RNF220: variants seen among roughly 807,000 people sequenced by gnomAD.
RNF220 encodes the protein E3 ubiquitin-protein ligase RNF220.
A neutral mutation model predicts 67.1 loss-of-function variants in RNF220; 7 were observed. The ratio of observed to expected loss-of-function variants is 0.10; its 90% CI spans 0.06 to 0.20. The LOEUF is 0.20. Ranked by LOEUF, RNF220 falls within the 10% of genes least tolerant of loss-of-function variation. The pLI is 1.00. For synonymous variants in RNF220, 270 were observed against 283.2 expected (o/e 0.95, Z 0.47); for missense variants, 565 against 740.3 (o/e 0.76, Z 2.75).
intron 2 of RNF220, among the ~76,000 whole-genome samples, chr1:44,578,539 G>A (rs920416608): frequency 1.3e-5 from 2 of 152,118 alleles, no homozygotes; most frequent in Non-Finnish European, 2.9e-5. Flanking sequence ...GAAAGAAGTC[G>A]GCAAGTGCTA....
intron 2 of RNF220, among the ~76,000 whole-genome samples, chr1:44,591,303 G>T (rs1490899586): frequency 1.3e-5 from 2 of 152,214 alleles, no homozygotes; most frequent in African/African-American, 4.8e-5. Context: ...AATTCAGTGG[G>T]ACCAAGACAA....
intron 3 of RNF220, among the ~76,000 whole-genome samples, chr1:44,620,814 G>T (rs1643758743): frequency 6.6e-6 from 1 of 152,030 alleles, no homozygotes; most frequent in South Asian, 2.1e-4. Context: ...GTGCATCTGG[G>T]TGTGTGTTGG....
chr1:44,411,918 T>TC, intron 1 of RNF220, 63 bp from the exon 2 acceptor site: 1 of 646,386 alleles, frequency 1.5e-6, no homozygotes, highest in Non-Finnish European at 2.6e-6. Flanking sequence ...ACTTGGGGTT[T>TC]CCCTTTTTTT....
chr1:44,465,128 C>T (rs766484526), intron 2 of RNF220, among the ~76,000 whole-genome samples: 3 of 152,038 alleles, frequency 2.0e-5, no homozygotes, highest in Non-Finnish European at 4.4e-5. Flanking sequence ...TTCAAGTCTG[C>T]GTGACCTGAA....
chr1:44,462,418 C>T (rs777383496), intron 2 of RNF220, among the ~76,000 whole-genome samples: 2 of 151,794 alleles, frequency 1.3e-5, no homozygotes, highest in Admixed American at 6.6e-5. Flanking sequence ...ACCAGGACAC[C>T]AATAATAAGC....
chr1:44,448,100 A>C (rs1227507792), intron 2 of RNF220, among the ~76,000 whole-genome samples: 5 of 152,138 alleles, frequency 3.3e-5, no homozygotes, highest in Non-Finnish European at 7.4e-5. Context: ...GGAGTTTGAG[A>C]CCAGCCTGGC....
chr1:44,547,176 G>C (rs1572844245), intron 2 of RNF220, among the ~76,000 whole-genome samples: 1 of 152,310 alleles, frequency 6.6e-6, no homozygotes, highest in East Asian at 1.9e-4. Flanking sequence ...GTCTCCTTGT[G>C]TGTGTCACAA....
At chr1:44,593,066 A>C (rs1372376299) in intron 2 of RNF220, among the ~76,000 whole-genome samples, 3 of 152,226 alleles carry the variant, frequency 2.0e-5, no homozygotes. Context: ...ACAGAAGCCC[A>C]GCAGGCAGAC....
intron 2 of RNF220, among the ~76,000 whole-genome samples, chr1:44,608,177 G>A (rs760435737): frequency 3.1e-5 from 4 of 129,906 alleles, no homozygotes; most frequent in African/African-American, 7.9e-5. Flanking sequence ...CTCCCACCTC[G>A]GCCTCTCGAA....
At chr1:44,537,167 G>A (rs1465451064) in intron 2 of RNF220, among the ~76,000 whole-genome samples, 1 of 151,880 alleles carries the variant, frequency 6.6e-6, no homozygotes, top group Non-Finnish European at 1.5e-5. Context: ...TCTACCCCCT[G>A]CATACACACA....
intron 2 of RNF220, among the ~76,000 whole-genome samples, chr1:44,528,331 C>T (rs1290494000): frequency 6.6e-6 from 1 of 150,746 alleles, no homozygotes; most frequent in African/African-American, 2.4e-5. Context: ...GACGGAGTCT[C>T]ACTCTGTCAC....
At chr1:44,646,468 C>T (rs985344810) in intron 12 of RNF220, among the ~76,000 whole-genome samples, 10 of 152,230 alleles carry the variant, frequency 6.6e-5, no homozygotes, top group East Asian at 1.9e-4. Flanking sequence ...AGCGCCGGAG[C>T]GGGCCGTATG....
intron 2 of RNF220, among the ~76,000 whole-genome samples, chr1:44,492,642 C>A (rs1463556427): frequency 6.6e-6 from 1 of 152,090 alleles, no homozygotes; most frequent in East Asian, 1.9e-4. Flanking sequence ...ATACATCATG[C>A]TAATTATAAG....
Position 44,596,458 on chromosome 1 carries a change from A to G in RNF220, c.626-17707A>G, listed in dbSNP as rs560975818. Among the ~76,000 whole-genome samples, 26 of 148,924 alleles carry G rather than the reference A, an allele frequency of 1.7e-4. No homozygotes were observed. The East Asian group carries it at 4.7e-3, about 27-fold the overall frequency. The stretch of plus-strand genomic sequence containing the variant: ...GTACCTGTAATCCCAGCTACTCGGG[A>G]GGCTGAGGCAGGAGAATCACTTGAA... On this transcript the variant is annotated intron_variant, in intron 2 of 14. Coordinates refer to ENST00000361799, the MANE Select transcript of RNF220 (RefSeq NM_018150.4).
At chr1:44,526,033 G>A (rs1044998308) in intron 2 of RNF220, among the ~76,000 whole-genome samples, 5 of 151,926 alleles carry the variant, frequency 3.3e-5, no homozygotes, top group Non-Finnish European at 5.9e-5. Context: ...TTTCCTGCCC[G>A]ACCTTGACCC....
chr1:44,450,616 A>C (rs1158727934), intron 2 of RNF220, among the ~76,000 whole-genome samples: 1 of 152,150 alleles, frequency 6.6e-6, no homozygotes, highest in African/African-American at 2.4e-5. Flanking sequence ...GTGTGTTTTC[A>C]ATTTTTCCAT....
intron 2 of RNF220, among the ~76,000 whole-genome samples, chr1:44,418,301 G>T (rs74526926): frequency 0.056 from 8,578 of 152,242 alleles, 288 homozygotes; most frequent in Non-Finnish European, 0.06. Flanking sequence ...GAGGAGGGAG[G>T]TTGGACGTGT....
intron 2 of RNF220, among the ~76,000 whole-genome samples, chr1:44,445,666 T>C (rs774438928): frequency 2.0e-5 from 3 of 152,210 alleles, no homozygotes; most frequent in Non-Finnish European, 4.4e-5. Context: ...GAAACTCAAC[T>C]CAAAGGTCCG....
chr1:44,547,141 T>C (rs888723885), intron 2 of RNF220, among the ~76,000 whole-genome samples: 21 of 152,202 alleles, frequency 1.4e-4, no homozygotes. Flanking sequence ...CCAACAGCCC[T>C]GTGAGACAGA....
Sources: gnomAD v4.1 joint callset for allele counts (sites outside exome capture counted in the v4.1 genomes callset) on GRCh38, gnomAD v4.1.1 for gene constraint, MANE v1.5 for transcripts, NCBI Gene and HGNC (gene_info 2026-07-23, HGNC 2026-07-21) for gene names.